Variants in UCP2 observed in about 807,000 individuals in gnomAD.
UCP2 encodes the protein dicarboxylate carrier SLC25A8.
Under a neutral mutation model 31.3 loss-of-function variants are expected in UCP2, and 27 were observed. That is an observed-to-expected ratio of 0.86 (90% CI 0.64 to 1.19). The LOEUF (loss-of-function observed/expected upper bound fraction) is 1.19. Ranked by LOEUF, UCP2 falls within the 50% of genes most tolerant of loss-of-function variation. The pLI, the probability that UCP2 is intolerant of heterozygous loss-of-function variation, is 0.00. For missense variants in UCP2, 377 were observed against 413.5 expected (o/e 0.91, Z 0.76); for synonymous variants, 142 against 157.4 (o/e 0.90, Z 0.73).
Position 73,976,812 on chromosome 11 carries a change from C to T in UCP2, c.532+11G>A. On this transcript the variant is annotated intron_variant, in intron 5 of 7. Coordinates refer to ENST00000663595, the MANE Select transcript of UCP2 (RefSeq NM_003355.3). ...GGAGGAAAAGGGGAAGGGAAAACAA[C>T]TGGTACACACCTTTCCAGAGGCCCC... The T allele has an allele frequency of 2.5e-6, 4 of 1,614,262 alleles. No individual in the cohort carries two copies. Among genetic ancestry groups the T allele is most frequent in the Non-Finnish European group, 2.5e-6 (3 of 1,180,040 alleles).
rs754444417 is a variant in UCP2 at position 73,976,936 on chromosome 11, ACCACATCCGTGGGCTGGGCCACAG to A, written c.395_418del (p.Ala132_Val139del). The A allele has an allele frequency of 6.2e-7, 1 of 1,612,750 alleles. No individual in the cohort carries two copies. Among genetic ancestry groups the A allele is most frequent in the South Asian group, 1.1e-5 (1 of 91,034 alleles). ...GGCCTGAGCTTGGAATCGGACCTTT[ACCACATCCGTGGGCTGGGCCACAG>A]CCACAGCCAGGGCACCTGTGGTGCT... On this transcript the variant is annotated inframe_deletion, in exon 5 of 8. Transcript: ENST00000663595.
chr11:73,978,252 C>A lies in UCP2; in HGVS notation c.126+1G>T, dbSNP rs746684870. 5.6e-6 allele frequency: 9 copies of A among 1,614,164 alleles called. No homozygotes were observed. The highest frequency in any genetic ancestry group is 7.6e-6 in the Non-Finnish European group (9 of 1,180,026). ...AAGACTCCCAGGCTTCATCCCCTCACCTGTAACCGGACTTTAGCAGTATCC... is the reference window on the plus strand; with the variant it reads ...AAGACTCCCAGGCTTCATCCCCTCAACTGTAACCGGACTTTAGCAGTATCC... On this transcript the variant is annotated splice_donor_variant, in intron 3 of 7. Transcript: ENST00000663595. LOFTEE classifies it high-confidence loss of function.
intron 1 of UCP2, among the ~76,000 whole-genome samples, chr11:73,981,834 T>C (rs963234769): frequency 5.7e-5 from 7 of 122,058 alleles, no homozygotes; most frequent in Admixed American, 4.5e-4. Context: ...ATATCACAAA[T>C]TGGTTCTCAT....
intron 6 of UCP2, among the ~76,000 whole-genome samples, chr11:73,975,875 G>A (rs1951335524): frequency 6.6e-6 from 1 of 151,946 alleles, no homozygotes. Flanking sequence ...ACCAGACTGG[G>A]TAACATGGCA....
rs768279117 is a variant in UCP2 at position 73,974,961 on chromosome 11, G to A, written c.*46C>T. On this transcript the variant is annotated 3_prime_UTR_variant, in exon 8 of 8. Coordinates refer to ENST00000663595, the MANE Select transcript of UCP2 (RefSeq NM_003355.3). ...AAGGAAGAAAAGGAAAGCATGGCCC[G>A]GCTAGAGACAAAGCCAGAGGTGATC... is the stretch of plus-strand genomic sequence containing the variant. The A allele has an allele frequency of 1.1e-5, 17 of 1,507,772 alleles. No homozygotes were observed. In the Admixed American group the frequency reaches 1.2e-4, roughly 11 times the overall value. The allele number at this position is 1,507,772 out of a possible 1,614,324, so 93.4% of individuals were successfully genotyped here.
intron 7 of UCP2, 95 bp from the exon 8 acceptor site, chr11:73,975,216 A>G (rs1045056642): frequency 2.5e-6 from 3 of 1,223,230 alleles, no homozygotes; most frequent in Non-Finnish European, 2.4e-6. Flanking sequence ...CTCTGTCCCA[A>G]AGGAGGCTGG....
intron 2 of UCP2, chr11:73,980,193 T>G (rs1951429056): frequency 6.6e-6 from 1 of 152,238 alleles, no homozygotes. Context: ...GCTTATTTCT[T>G]TGACTTCATT....
At chr11:73,978,226 C>G in intron 3 of UCP2, 27 bp downstream of exon 3, 2 of 1,614,144 alleles carry the variant, frequency 1.2e-6, no homozygotes, top group Non-Finnish European at 1.7e-6. Context: ...TAGACACCAT[C>G]AAGACTCCCA....
Position 73,977,025 on chromosome 11 carries a change from C to T in UCP2, c.338-8G>A, listed in dbSNP as rs781574303. The stretch of plus-strand genomic sequence containing the variant: ...GGCTCCCAATGCTGGCATCTGTGGG[C>T]GAGCCATGGGGTCAGTGGCCAGCGG... On this transcript the variant is annotated splice_region_variant and splice_polypyrimidine_tract_variant and intron_variant, in intron 4 of 7. Transcript: ENST00000663595. 1.0e-5 allele frequency: 16 copies of T among 1,594,764 alleles called. No homozygotes were observed. In the Admixed American group the frequency reaches 1.2e-4, roughly 12 times the overall value.
chr11:73,974,960 C>T lies in UCP2; in HGVS notation c.*47G>A, dbSNP rs374099254. On this transcript the variant is annotated 3_prime_UTR_variant, in exon 8 of 8. Coordinates refer to ENST00000663595, the MANE Select transcript of UCP2 (RefSeq NM_003355.3). ...GAAGGAAGAAAAGGAAAGCATGGCC[C>T]GGCTAGAGACAAAGCCAGAGGTGAT... 8.7e-6 allele frequency: 11 copies of T among 1,263,158 alleles called. No homozygotes were observed. The highest frequency in any genetic ancestry group is 2.0e-4 in the Middle Eastern group (1 of 4,954). The allele number at this position is 1,263,158 out of a possible 1,614,324, so 78.2% of individuals were successfully genotyped here.
Position 73,974,829 on chromosome 11 carries a change from G to T in UCP2, c.*178C>A. 2.6e-6 allele frequency: 1 copy of T among 388,668 alleles called. No individual in the cohort carries two copies. The highest frequency in any genetic ancestry group is 4.7e-5 in the Admixed American group (1 of 21,172). 24.1% of individuals were successfully genotyped at this position (388,668 alleles called of 1,614,324 possible). A position where few individuals can be genotyped will look rare whatever the true frequency, so the allele number is the denominator to read the frequency against. ...CAAATGTCAACTCCACCAGCACTGAGACAATGAGTAGATGAGAATGTAGAA... is the reference window on the plus strand; with the variant it reads ...CAAATGTCAACTCCACCAGCACTGATACAATGAGTAGATGAGAATGTAGAA... On this transcript the variant is annotated 3_prime_UTR_variant, in exon 8 of 8. Transcript: ENST00000663595.
Position 73,977,035 on chromosome 11 carries a change from G to A in UCP2, c.338-18C>T. The A allele has an allele frequency of 3.8e-6, 6 of 1,590,412 alleles. No homozygotes were observed. Among genetic ancestry groups the A allele is most frequent in the Non-Finnish European group, 5.1e-6 (6 of 1,165,688 alleles). On this transcript the variant is annotated intron_variant, in intron 4 of 7. Transcript: ENST00000663595. Reference sequence around the variant, plus strand: ...GCTGGCATCTGTGGGCGAGCCATGGGGTCAGTGGCCAGCGGGCTTGCACTC... The same window carrying A: ...GCTGGCATCTGTGGGCGAGCCATGGAGTCAGTGGCCAGCGGGCTTGCACTC...
chr11:73,982,047 G>C (rs1360085496), intron 1 of UCP2, among the ~76,000 whole-genome samples: 1 of 152,140 alleles, frequency 6.6e-6, no homozygotes, highest in African/African-American at 2.4e-5. Flanking sequence ...GCAGCTCAAA[G>C]CCCACTAGAA....
At position 73,974,835 on chromosome 11, in the gene UCP2, G is replaced by T; in HGVS notation, c.*172C>A. 1 of 408,174 alleles carries T rather than the reference G, an allele frequency of 2.4e-6. No homozygotes were observed. Among genetic ancestry groups the T allele is most frequent in the Non-Finnish European group, 4.6e-6 (1 of 215,538 alleles). 25.3% of individuals were successfully genotyped at this position (408,174 alleles called of 1,614,324 possible). On this transcript the variant is annotated 3_prime_UTR_variant, in exon 8 of 8. Transcript: ENST00000663595. The stretch of plus-strand genomic sequence containing the variant: ...TCAACTCCACCAGCACTGAGACAAT[G>T]AGTAGATGAGAATGTAGAAAGAGGG...
In UCP2 at chr11:73,975,526, C is replaced by T. The variant is rs1331024042; in HGVS notation, c.780G>A (p.Met260Ile). 1 of 1,612,318 alleles carries T rather than the reference C, an allele frequency of 6.2e-7. No homozygotes were observed. The highest frequency in any genetic ancestry group is 1.1e-5 in the South Asian group (1 of 91,024). Residue 260 changes from methionine to isoleucine, a missense_variant, in exon 7 of 8, where the codon ATG (methionine) becomes ATA (isoleucine). Transcript: ENST00000663595. ...YSSAGHCALT[M>I]LQKEGPRAFY... ...AGGCTCGGGGCCCCTCCTTCTGGAG[C>T]ATGGTAAGGGCACAGTGGCCAGCGC...
At chr11:73,982,610 GA>G (rs1486481385) in intron 1 of UCP2, 110 bp downstream of exon 1, 3 of 152,484 alleles carry the variant, frequency 2.0e-5, no homozygotes, top group African/African-American at 7.2e-5. Flanking sequence ...AAAACCGAGA[GA>G]AAGAAAAGAG....
chr11:73,976,732 G>A lies in UCP2; in HGVS notation c.543C>T (p.Pro181=), dbSNP rs755829375. 1.2e-6 allele frequency: 2 copies of A among 1,614,176 alleles called. No homozygotes were observed. Among genetic ancestry groups the A allele is most frequent in the South Asian group, 1.1e-5 (1 of 91,082 alleles). The change falls in exon 6 of 8, where the codon CCC becomes CCT. Residue 181 remains proline, a synonymous_variant. Transcript: ENST00000663595. The stretch of plus-strand genomic sequence containing the variant: ...TGACAATGGCATTACGAGCAACATT[G>A]GGAGAGGTCCCTGTAGGAGGAGGAA... ...GFRGLWKGTS[P]NVARNAIVNC...
At chr11:73,975,894 G>A (rs1485957751) in intron 6 of UCP2, among the ~76,000 whole-genome samples, 1 of 151,934 alleles carries the variant, frequency 6.6e-6, no homozygotes, top group East Asian at 1.9e-4. Flanking sequence ...CAAAAACCCT[G>A]TCTCTACAAA....
At chr11:73,982,170 A>G (rs1951468463) in intron 1 of UCP2, among the ~76,000 whole-genome samples, 1 of 152,230 alleles carries the variant, frequency 6.6e-6, no homozygotes. Context: ...AGGGCTCGGC[A>G]TCGTGGTGGA....
Sources: allele counts gnomAD v4.1 joint callset (sites outside exome capture counted in the v4.1 genomes callset), GRCh38; gene constraint gnomAD v4.1.1; transcripts MANE v1.5; gene names NCBI Gene and HGNC (gene_info 2026-07-23, HGNC 2026-07-21).